Variants in HGF observed in about 807,000 individuals in gnomAD.
The protein encoded by HGF is fibroblast-derived tumor cytotoxic factor.
A neutral mutation model predicts 111.6 loss-of-function variants in HGF; 39 were observed. The ratio of observed to expected loss-of-function variants is 0.35; its 90% CI spans 0.27 to 0.46. The LOEUF is 0.46. Among genes scored for constraint, HGF ranks in the 20% least tolerant of loss-of-function variants. The pLI is 1.00. For synonymous variants in HGF, 285 were observed against 294.8 expected (o/e 0.97, Z 0.34); for missense variants, 735 against 910.5 (o/e 0.81, Z 2.48).
At chr7:81,715,498 G>A (rs931501828) in intron 11 of HGF, among the ~76,000 whole-genome samples, 3 of 151,984 alleles carry the variant, frequency 2.0e-5, no homozygotes, top group African/African-American at 7.2e-5. Flanking sequence ...GATCATGGCT[G>A]ATAAAATGAA....
chr7:81,756,273 G>C, intron 4 of HGF: 1 of 528,042 alleles, frequency 1.9e-6, no homozygotes, highest in Non-Finnish European at 3.3e-6. Context: ...AAAACTACCC[G>C]CTGTGTGGTT....
rs149141399 is a variant in HGF, at chr7:81,713,631, C to T, written c.1406-2112G>A. Among the ~76,000 whole-genome samples the T allele has an allele frequency of 2.8e-4, 42 of 152,114 alleles. No individual in the cohort carries two copies. The East Asian group carries it at 8.1e-3, about 29-fold the overall frequency. On this transcript the variant is annotated intron_variant, in intron 11 of 17. Coordinates refer to ENST00000222390, the MANE Select transcript of HGF (RefSeq NM_000601.6). ...TTGCTTTCTCTAATCCAGTATTTCT[C>T]ACACTTTAGCATAAACTGAAATACG...
At chr7:81,759,880 G>GTAT (rs1788977281) in intron 2 of HGF, among the ~76,000 whole-genome samples, 1 of 152,034 alleles carries the variant, frequency 6.6e-6, no homozygotes, top group Non-Finnish European at 1.5e-5. Context: ...CTATAGCTAA[G>GTAT]TATTATATTG....
intron 7 of HGF, among the ~76,000 whole-genome samples, chr7:81,738,331 A>G (rs1276843754): frequency 6.6e-6 from 1 of 152,148 alleles, no homozygotes; most frequent in Non-Finnish European, 1.5e-5. Flanking sequence ...TGAAGTTATA[A>G]TCAGAGAAAA....
chr7:81,725,872 C>G lies in HGF; in HGVS notation c.1168+18G>C, dbSNP rs544040915. On this transcript the variant is annotated intron_variant, in intron 9 of 17. Transcript: ENST00000222390. ...CCTGAATTTAATCATGCCCACCCTG[C>G]AGAATGTCAGCTATTACCTTGTCCA... The G allele has an allele frequency of 6.2e-7, 1 of 1,613,892 alleles. No individual in the cohort carries two copies. Among genetic ancestry groups the G allele is most frequent in the South Asian group, 1.1e-5 (1 of 91,084 alleles).
intron 7 of HGF, among the ~76,000 whole-genome samples, chr7:81,735,289 A>T (rs1046864809): frequency 2.0e-5 from 3 of 152,096 alleles, no homozygotes; most frequent in African/African-American, 7.2e-5. Context: ...CTGGTACAAA[A>T]TGCTCAGGAG....
intron 1 of HGF, among the ~76,000 whole-genome samples, chr7:81,768,583 G>C (rs1470521050): frequency 6.6e-6 from 1 of 152,154 alleles, no homozygotes; most frequent in Non-Finnish European, 1.5e-5. Context: ...GTTTCACCTT[G>C]TTAGCTAGGA....
chr7:81,751,140 A>T (rs1447831025), intron 5 of HGF: 1 of 899,148 alleles, frequency 1.1e-6, no homozygotes, highest in Non-Finnish European at 1.3e-6. Flanking sequence ...TTAAATGAAT[A>T]TTTATGGAGG....
At chr7:81,705,974 G>A (rs1789414608) in intron 15 of HGF, among the ~76,000 whole-genome samples, 1 of 151,306 alleles carries the variant, frequency 6.6e-6, no homozygotes, top group Admixed American at 6.6e-5. Context: ...AGAATAAATG[G>A]TCAATGCTAT....
chr7:81,760,284 G>T (rs569211921), intron 2 of HGF, among the ~76,000 whole-genome samples: 14 of 152,258 alleles, frequency 9.2e-5, no homozygotes, highest in Non-Finnish European at 1.9e-4. Flanking sequence ...AAAGAGGAAA[G>T]CTTCCTATCT....
chr7:81,746,293 C>A (rs1788251479), intron 5 of HGF, among the ~76,000 whole-genome samples: 1 of 152,128 alleles, frequency 6.6e-6, no homozygotes, highest in Non-Finnish European at 1.5e-5. Flanking sequence ...GGCTTCCCTT[C>A]ATTTGATACT....
At chr7:81,713,010 C>T (rs972673113) in intron 11 of HGF, among the ~76,000 whole-genome samples, 42 of 152,152 alleles carry the variant, frequency 2.8e-4, no homozygotes, top group African/African-American at 9.6e-4. Context: ...AAGATTGAGG[C>T]GGACTATGGT....
At chr7:81,727,327 G>A (rs906310637) in intron 8 of HGF, among the ~76,000 whole-genome samples, 5 of 152,004 alleles carry the variant, frequency 3.3e-5, no homozygotes, top group African/African-American at 1.2e-4. Flanking sequence ...ACAGGCATGA[G>A]CCACCGCACC....
chr7:81,755,423 T>C (rs1195129877), intron 4 of HGF: 1 of 152,170 alleles, frequency 6.6e-6, no homozygotes, highest in African/African-American at 2.4e-5. Context: ...TTTATTAATA[T>C]ACTGGATCCT....
chr7:81,724,886 A>G (rs746703975), intron 9 of HGF, among the ~76,000 whole-genome samples: 10 of 152,156 alleles, frequency 6.6e-5, no homozygotes, highest in Non-Finnish European at 5.9e-5. Context: ...TTAAAAATCT[A>G]TTTCAATCTG....
intron 17 of HGF, among the ~76,000 whole-genome samples, chr7:81,703,760 G>A (rs892324741): frequency 3.3e-5 from 5 of 151,496 alleles, no homozygotes; most frequent in Non-Finnish European, 7.4e-5. Context: ...CAGCGATGGG[G>A]GAAACCACTG....
chr7:81,735,067 C>T (rs1001751969), intron 7 of HGF, among the ~76,000 whole-genome samples: 2 of 152,028 alleles, frequency 1.3e-5, no homozygotes, highest in Non-Finnish European at 2.9e-5. Context: ...TGTAATAAAG[C>T]CACTCTCCCA....
At chr7:81,736,261 G>A (rs967563974) in intron 7 of HGF, among the ~76,000 whole-genome samples, 3 of 151,970 alleles carry the variant, frequency 2.0e-5, no homozygotes, top group Non-Finnish European at 2.9e-5. Context: ...CGTTTCAAAC[G>A]TACACTCCGT....
At chr7:81,758,629 T>C in intron 3 of HGF, 63 bp downstream of exon 3, 16 of 1,041,560 alleles carry the variant, frequency 1.5e-5, no homozygotes, top group Non-Finnish European at 2.4e-5. Flanking sequence ...TGGCAGGAAA[T>C]TACAAACATA....
Sources: gnomAD v4.1 joint callset for allele counts (sites outside exome capture counted in the v4.1 genomes callset) on GRCh38, gnomAD v4.1.1 for gene constraint, MANE v1.5 for transcripts, NCBI Gene and HGNC (gene_info 2026-07-23, HGNC 2026-07-21) for gene names.